SLC12A8: variants seen among roughly 807,000 people sequenced by gnomAD.
SLC12A8 encodes solute carrier family 12 member 8.
A neutral mutation model predicts 75.6 loss-of-function variants in SLC12A8; 69 were observed. That is an observed-to-expected ratio of 0.91 (90% confidence interval 0.75 to 1.11). The LOEUF is 1.11. Ranked by LOEUF, SLC12A8 falls within the 50% of genes most tolerant of loss-of-function variation. The pLI, the probability that SLC12A8 is intolerant of heterozygous loss-of-function variation, is 0.00. For synonymous variants in SLC12A8, 365 were observed against 372.8 expected, an observed-to-expected ratio of 0.98 and a Z score of 0.24; for missense variants, 877 against 896.7, an observed-to-expected ratio of 0.98 and a Z score of 0.28.
intron 2 of SLC12A8, among the ~76,000 whole-genome samples, chr3:125,211,055 T>C (rs979341661): frequency 2.6e-5 from 4 of 152,148 alleles, no homozygotes; most frequent in African/African-American, 7.2e-5. Context: ...GAGTTTGGAG[T>C]TGTGGGGGAT....
At chr3:125,168,377 C>G (rs1241303952) in intron 5 of SLC12A8, among the ~76,000 whole-genome samples, 1 of 152,144 alleles carries the variant, frequency 6.6e-6, no homozygotes, top group Non-Finnish European at 1.5e-5. Flanking sequence ...TTCGCTTTGT[C>G]TGCCTTTAAT....
intron 6 of SLC12A8, among the ~76,000 whole-genome samples, chr3:125,121,773 C>G (rs1247429801): frequency 2.0e-5 from 3 of 152,186 alleles, no homozygotes; most frequent in Admixed American, 2.0e-4. Context: ...GCCTCTGCTA[C>G]AATGCTTCAC....
intron 3 of SLC12A8, among the ~76,000 whole-genome samples, chr3:125,189,511 T>C (rs565790822): frequency 6.6e-6 from 1 of 152,308 alleles, no homozygotes; most frequent in Non-Finnish European, 1.5e-5. Context: ...AGGGACTTAA[T>C]GCTGTTTTCA....
chr3:125,206,745 G>C (rs925246834), intron 2 of SLC12A8: 2 of 152,252 alleles, frequency 1.3e-5, no homozygotes, highest in African/African-American at 4.8e-5. Flanking sequence ...TCTGCTTCCA[G>C]GGAGGCCTCA....
At chr3:125,120,277 T>TA (rs1478414075) in intron 7 of SLC12A8, among the ~76,000 whole-genome samples, 2 of 108,518 alleles carry the variant, frequency 1.8e-5, no homozygotes, top group African/African-American at 7.2e-5. Flanking sequence ...ACTCGGTGGT[T>TA]AAAAAAATCC....
At chr3:125,176,092 G>C (rs1934521220) in intron 5 of SLC12A8, among the ~76,000 whole-genome samples, 1 of 152,182 alleles carries the variant, frequency 6.6e-6, no homozygotes, top group African/African-American at 2.4e-5. Flanking sequence ...TAAAAGGCAG[G>C]ACTGTGTAGG....
At chr3:125,207,388 G>T (rs1935246548) in intron 2 of SLC12A8, among the ~76,000 whole-genome samples, 1 of 152,182 alleles carries the variant, frequency 6.6e-6, no homozygotes. Context: ...TTAAGTTCCT[G>T]TTGAGACCCT....
intron 6 of SLC12A8, among the ~76,000 whole-genome samples, chr3:125,131,341 T>G (rs1933351152): frequency 6.6e-6 from 1 of 152,184 alleles, no homozygotes; most frequent in Non-Finnish European, 1.5e-5. Context: ...TCACACAGTT[T>G]GTGGGGCCAC....
At chr3:125,154,414 C>T (rs1227377417) in intron 5 of SLC12A8, among the ~76,000 whole-genome samples, 1 of 152,182 alleles carries the variant, frequency 6.6e-6, no homozygotes, top group Non-Finnish European at 1.5e-5. Context: ...AACTGCTGGG[C>T]AATCTAACCT....
At chr3:125,165,083 C>T (rs1934256980) in intron 5 of SLC12A8, among the ~76,000 whole-genome samples, 1 of 152,192 alleles carries the variant, frequency 6.6e-6, no homozygotes, top group Non-Finnish European at 1.5e-5. Context: ...GGTCACTGTT[C>T]CTGCATCTTT....
chr3:125,162,827 A>G (rs1934203440), intron 5 of SLC12A8, among the ~76,000 whole-genome samples: 1 of 152,234 alleles, frequency 6.6e-6, no homozygotes, highest in African/African-American at 2.4e-5. Context: ...AGTAAGAGGA[A>G]GGATCCCAGG....
chr3:125,090,995 T>A lies in SLC12A8; in HGVS notation c.1921+444A>T, dbSNP rs140229523. Among the ~76,000 whole-genome samples the A allele has an allele frequency of 8.1e-4, 124 of 152,302 alleles. 1 individual carries two copies. The highest frequency in any genetic ancestry group is 2.9e-3 in the African/African-American group (121 of 41,578). On this transcript the variant is annotated intron_variant, in intron 12 of 13. Transcript: ENST00000469902. ...GTTTTTTGTTTGTCTCATTTGTCCT[T>A]TATTATCTTTTTCTGCCTTATTTTG...
At position 125,101,919 on chromosome 3, in the gene SLC12A8, G is replaced by A. The variant is rs140898059; in HGVS notation, c.1705+5562C>T. Among the ~76,000 whole-genome samples the A allele has an allele frequency of 1.9e-3, 295 of 152,274 alleles. 1 individual carries two copies. Among genetic ancestry groups the A allele is most frequent in the African/African-American group, 6.7e-3 (279 of 41,556 alleles). ...GTTTGCTACATTATGTGTACTGTAT[G>A]GGAATATTGTGACGAGTACAGAGGT... On this transcript the variant is annotated intron_variant, in intron 10 of 13. Coordinates refer to ENST00000469902, the MANE Select transcript of SLC12A8 (RefSeq NM_024628.6).
chr3:125,110,098 A>ATCAGAGCCTCTGG, intron 9 of SLC12A8, 91 bp downstream of exon 9: 9 of 1,320,212 alleles, frequency 6.8e-6, no homozygotes, highest in Non-Finnish European at 9.4e-6. Context: ...AGAGGCTCTG[A>ATCAGAGCCTCTGG]TCAGAAAAGC....
At chr3:125,190,779 A>G (rs1197601299) in intron 2 of SLC12A8, among the ~76,000 whole-genome samples, 1 of 152,248 alleles carries the variant, frequency 6.6e-6, no homozygotes, top group Non-Finnish European at 1.5e-5. Context: ...TATGTAGCAG[A>G]GACTCATTAT....
At chr3:125,162,926 G>A (rs1409289812) in intron 5 of SLC12A8, among the ~76,000 whole-genome samples, 1 of 151,978 alleles carries the variant, frequency 6.6e-6, no homozygotes, top group Non-Finnish European at 1.5e-5. Context: ...CAGAAAAAGA[G>A]GAAGAGGAAA....
intron 5 of SLC12A8, among the ~76,000 whole-genome samples, chr3:125,146,005 T>A (rs975566242): frequency 6.6e-6 from 1 of 152,142 alleles, no homozygotes; most frequent in Non-Finnish European, 1.5e-5. Context: ...ATTTTTTATA[T>A]TTTTTGTAGA....
intron 8 of SLC12A8, among the ~76,000 whole-genome samples, chr3:125,117,075 A>G (rs1168951445): frequency 2.0e-5 from 3 of 152,174 alleles, no homozygotes; most frequent in Admixed American, 1.3e-4. Flanking sequence ...CCTTCCAAAA[A>G]ATCTGCTTTT....
intron 8 of SLC12A8, among the ~76,000 whole-genome samples, chr3:125,116,305 T>C (rs1939310491): frequency 6.6e-6 from 1 of 152,228 alleles, no homozygotes; most frequent in Non-Finnish European, 1.5e-5. Context: ...CTTTATAGGC[T>C]TTACAATGGT....
Sources: allele counts gnomAD v4.1 joint callset (sites outside exome capture counted in the v4.1 genomes callset), GRCh38; gene constraint gnomAD v4.1.1; transcripts MANE v1.5; gene names NCBI Gene and HGNC (gene_info 2026-07-23, HGNC 2026-07-21).